The following CSMD1 variants were observed in gnomAD, a reference collection of about 807,000 sequenced individuals.
CSMD1 encodes the protein CUB and sushi domain-containing protein 1.
In CSMD1, 213 loss-of-function variants were observed where a neutral mutation model predicts 417.5. That is an observed-to-expected ratio of 0.51 (90% confidence interval 0.46 to 0.57). CSMD1 has a LOEUF of 0.57. Ranked by LOEUF, CSMD1 falls within the 20% of genes least tolerant of loss-of-function variation. The pLI is 0.00. For missense variants in CSMD1, 6,923 were observed against 4,529.7 expected (o/e 1.53, Z -15.17); for synonymous variants, 2,862 against 1,736.8 (o/e 1.65, Z -16.11).
intron 2 of CSMD1, among the ~76,000 whole-genome samples, chr8:4,530,553 T>C (rs1302609663): frequency 6.6e-6 from 1 of 151,040 alleles, no homozygotes; most frequent in Non-Finnish European, 1.5e-5. Context: ...GCCCATATGT[T>C]CTCATTGTTC....
chr8:4,326,912 A>AT (rs1799593697), intron 3 of CSMD1, among the ~76,000 whole-genome samples: 3 of 152,190 alleles, frequency 2.0e-5, no homozygotes, highest in Non-Finnish European at 2.9e-5. Context: ...GAGGAAAAGT[A>AT]AGTTAGGAGC....
intron 5 of CSMD1, among the ~76,000 whole-genome samples, chr8:3,888,913 A>C (rs940159): frequency 6.6e-6 from 1 of 151,972 alleles, no homozygotes; most frequent in African/African-American, 2.4e-5. Context: ...AATTAAAAGC[A>C]TATCTTTATA....
intron 11 of CSMD1, among the ~76,000 whole-genome samples, chr8:3,473,842 G>A (rs575237445): frequency 1.2e-4 from 18 of 152,228 alleles, no homozygotes; most frequent in South Asian, 4.1e-4. Flanking sequence ...TAACTGACTC[G>A]TATTTCCACA....
At chr8:3,752,130 C>A (rs185717369) in intron 6 of CSMD1, among the ~76,000 whole-genome samples, 1 of 152,266 alleles carries the variant, frequency 6.6e-6, no homozygotes, top group African/African-American at 2.4e-5. Context: ...CACCTTTACT[C>A]CATTCTAACT....
At chr8:4,819,039 G>C (rs139875032) in intron 1 of CSMD1, among the ~76,000 whole-genome samples, 58 of 152,156 alleles carry the variant, frequency 3.8e-4, no homozygotes, top group African/African-American at 1.3e-3. Flanking sequence ...AAATGGCTTG[G>C]AAGACACAGA....
intron 1 of CSMD1, among the ~76,000 whole-genome samples, chr8:4,742,871 G>C (rs768350332): frequency 2.6e-5 from 4 of 152,058 alleles, no homozygotes; most frequent in Admixed American, 6.6e-5. Context: ...TTAATGGTCT[G>C]TTTATAAGAG....
chr8:4,946,992 G>A (rs538889894), intron 1 of CSMD1, among the ~76,000 whole-genome samples: 7 of 152,252 alleles, frequency 4.6e-5, no homozygotes, highest in South Asian at 2.1e-4. Context: ...ATCAATGTCT[G>A]TAATCCAAAT....
chr8:4,838,004 T>C (rs1216470445), intron 1 of CSMD1, among the ~76,000 whole-genome samples: 2 of 152,146 alleles, frequency 1.3e-5, no homozygotes, highest in African/African-American at 4.8e-5. Context: ...CTCCATTCTC[T>C]CTGTTCTATG....
chr8:3,055,548 C>A (rs561474146), intron 49 of CSMD1, among the ~76,000 whole-genome samples: 1 of 152,212 alleles, frequency 6.6e-6, no homozygotes, highest in Non-Finnish European at 1.5e-5. Flanking sequence ...CATTTATTCC[C>A]AAAATTTTGC....
At chr8:3,801,242 GA>G (rs569685413) in intron 5 of CSMD1, among the ~76,000 whole-genome samples, 338 of 150,884 alleles carry the variant, frequency 2.2e-3, no homozygotes, top group African/African-American at 7.1e-3. Context: ...AATATATAGA[GA>G]GAACTTACAA....
At chr8:3,397,732 TGA>T (rs1463093695) in intron 16 of CSMD1, among the ~76,000 whole-genome samples, 1 of 152,182 alleles carries the variant, frequency 6.6e-6, no homozygotes, top group African/African-American at 2.4e-5. Context: ...TTAGTAACAG[TGA>T]GGACTGACAA....
intron 3 of CSMD1, among the ~76,000 whole-genome samples, chr8:4,310,280 G>T (rs532295366): frequency 2.6e-5 from 4 of 152,266 alleles, no homozygotes; most frequent in Admixed American, 1.3e-4. Flanking sequence ...TATCATGGCT[G>T]CTTAGAGCTG....
intron 4 of CSMD1, among the ~76,000 whole-genome samples, chr8:4,020,105 C>A (rs1796715585): frequency 6.6e-6 from 1 of 152,204 alleles, no homozygotes; most frequent in East Asian, 1.9e-4. Context: ...TTTAGAGTTT[C>A]TCTATGTGTC....
chr8:4,871,842 G>A (rs1236698969), intron 1 of CSMD1, among the ~76,000 whole-genome samples: 2 of 152,052 alleles, frequency 1.3e-5, no homozygotes, highest in African/African-American at 4.8e-5. Context: ...CAGGTTCTGT[G>A]CTTGCCAGCA....
intron 46 of CSMD1, among the ~76,000 whole-genome samples, chr8:3,104,339 G>A (rs188126218): frequency 1.6e-4 from 25 of 152,200 alleles, no homozygotes; most frequent in African/African-American, 6.0e-4. Context: ...ACAGTGACTT[G>A]GATCTCCTGA....
chr8:3,400,529 A>G (rs977776531), intron 15 of CSMD1, among the ~76,000 whole-genome samples: 4 of 152,092 alleles, frequency 2.6e-5, no homozygotes, highest in African/African-American at 9.6e-5. Flanking sequence ...TTACGTCAGG[A>G]AACAAATACA....
At chr8:3,309,472 G>T (rs1025190839) in intron 23 of CSMD1, among the ~76,000 whole-genome samples, 6 of 152,120 alleles carry the variant, frequency 3.9e-5, no homozygotes, top group Admixed American at 1.3e-4. Context: ...TAAACTCAAA[G>T]AAATAGATGA....
At chr8:4,574,877 TAGA>T (rs1799065463) in intron 2 of CSMD1, among the ~76,000 whole-genome samples, 1 of 152,218 alleles carries the variant, frequency 6.6e-6, no homozygotes, top group Non-Finnish European at 1.5e-5. Context: ...TTAATTTAAA[TAGA>T]CTTTCTTTGT....
intron 5 of CSMD1, among the ~76,000 whole-genome samples, chr8:3,839,644 C>T (rs1418694005): frequency 7.2e-6 from 1 of 138,808 alleles, no homozygotes; most frequent in African/African-American, 2.7e-5. Flanking sequence ...AAGAGTGACA[C>T]TTCAACTCAG....
Sources: allele counts gnomAD v4.1 joint callset (sites outside exome capture counted in the v4.1 genomes callset), GRCh38; gene constraint gnomAD v4.1.1; transcripts MANE v1.5; gene names NCBI Gene and HGNC (gene_info 2026-07-23, HGNC 2026-07-21).